ADORA1: variants seen among roughly 807,000 people sequenced by gnomAD.
ADORA1 encodes adenosine receptor A1.
In ADORA1, 6 loss-of-function variants were observed where a neutral mutation model predicts 19.9. That is an observed-to-expected ratio of 0.30 (90% CI 0.17 to 0.59). The LOEUF (loss-of-function observed/expected upper bound fraction) is 0.59, where lower values mean the gene tolerates loss of function less well. Ranked by LOEUF, ADORA1 falls within the 20% of genes least tolerant of loss-of-function variation. ADORA1 has a pLI of 0.87. For missense variants in ADORA1, 302 were observed against 439.2 expected, an observed-to-expected ratio of 0.69 and a Z score of 2.79; for synonymous variants, 194 against 188.4, an observed-to-expected ratio of 1.03 and a Z score of -0.24.
chr1:203,159,995 G>A (rs1257929408), intron 3 of ADORA1, among the ~76,000 whole-genome samples: 1 of 152,222 alleles, frequency 6.6e-6, no homozygotes, highest in African/African-American at 2.4e-5. Context: ...GAGCAGGAGA[G>A]GCTTGCCTTC....
intron 3 of ADORA1, among the ~76,000 whole-genome samples, chr1:203,158,644 A>G (rs1045413139): frequency 6.6e-6 from 1 of 152,098 alleles, no homozygotes; most frequent in Non-Finnish European, 1.5e-5. Context: ...TAGAGCAACA[A>G]CCCCACTTCT....
At chr1:203,142,176 A>G (rs10800901) in intron 3 of ADORA1, among the ~76,000 whole-genome samples, 101,548 of 152,134 alleles carry the variant, frequency 0.67, 34,159 homozygotes, top group Middle Eastern at 0.69. Flanking sequence ...TAGGCACTCC[A>G]TAAGTGGGGC....
chr1:203,149,270 C>G (rs1654957471), intron 3 of ADORA1, among the ~76,000 whole-genome samples: 1 of 152,188 alleles, frequency 6.6e-6, no homozygotes, highest in South Asian at 2.1e-4. Context: ...AAGCTTCTTC[C>G]TCCCCCACAC....
At chr1:203,149,507 G>A (rs1654965679) in intron 3 of ADORA1, among the ~76,000 whole-genome samples, 1 of 152,248 alleles carries the variant, frequency 6.6e-6, no homozygotes, top group Non-Finnish European at 1.5e-5. Context: ...AGGACAGGCT[G>A]TTCCCCACCT....
chr1:203,164,972 C>T, intron 3 of ADORA1: 1 of 1,465,584 alleles, frequency 6.8e-7, no homozygotes, highest in Non-Finnish European at 9.3e-7. Flanking sequence ...TTACTGTGGT[C>T]ATTTCCTTGA....
At chr1:203,150,856 T>A (rs1458024635) in intron 3 of ADORA1, 35 of 1,256,182 alleles carry the variant, frequency 2.8e-5, no homozygotes, top group Non-Finnish European at 3.5e-5. Context: ...GGGGGCTAGG[T>A]GCTGTGAGCT....
chr1:203,162,080 G>A (rs1558138673), intron 3 of ADORA1, among the ~76,000 whole-genome samples: 1 of 152,188 alleles, frequency 6.6e-6, no homozygotes, highest in Non-Finnish European at 1.5e-5. Flanking sequence ...AGAGTCAGAG[G>A]CACCTTCCAC....
At position 203,130,041 on chromosome 1, in the gene ADORA1, G is replaced by A. The variant is rs115067096; in HGVS notation, c.341+859G>A. Among the ~76,000 whole-genome samples, 990 of 152,360 alleles carry A rather than the reference G, an allele frequency of 6.5e-3. 11 individuals carry two copies. The highest frequency in any genetic ancestry group is 0.022 in the African/African-American group (932 of 41,596). ...GTGCCAGCGAGTGCCTGGGCATATT[G>A]CCAGGGACTGGCCCTGCTGGGACGC... On this transcript the variant is annotated intron_variant, in intron 3 of 3. Transcript: ENST00000337894.
intron 3 of ADORA1, among the ~76,000 whole-genome samples, chr1:203,153,831 G>C (rs924906970): frequency 6.6e-6 from 1 of 152,216 alleles, no homozygotes; most frequent in Admixed American, 6.5e-5. Context: ...TCCACAGGAA[G>C]TAGTTTAATA....
chr1:203,135,987 G>C (rs1243091332), intron 3 of ADORA1, among the ~76,000 whole-genome samples: 1 of 152,192 alleles, frequency 6.6e-6, no homozygotes, highest in Non-Finnish European at 1.5e-5. Context: ...TTTCCTGAAG[G>C]CCTCGGCATC....
At chr1:203,153,354 A>G (rs1558135033) in intron 3 of ADORA1, among the ~76,000 whole-genome samples, 1 of 152,224 alleles carries the variant, frequency 6.6e-6, no homozygotes, top group Non-Finnish European at 1.5e-5. Flanking sequence ...TCCGAAGGAC[A>G]GACAGTTGGG....
rs201449710 is a variant in ADORA1 at position 203,165,993 on chromosome 1, C to T, written c.*93C>T. 2.8e-6 allele frequency: 4 copies of T among 1,450,370 alleles called. No homozygotes were observed. In the East Asian group the frequency reaches 7.1e-5, roughly 26 times the overall value. 89.8% of individuals were successfully genotyped at this position (1,450,370 alleles called of 1,614,324 possible). A position where few individuals can be genotyped will look rare whatever the true frequency, so the allele number is the denominator to read the frequency against. ...TCCCAGGGGTCTCCCTGAGCCTGCCCCAGCTGGGCTGTTGGCTGGGGGCAT... is the reference window on the plus strand; with the variant it reads ...TCCCAGGGGTCTCCCTGAGCCTGCCTCAGCTGGGCTGTTGGCTGGGGGCAT... On this transcript the variant is annotated 3_prime_UTR_variant, in exon 4 of 4. Coordinates refer to ENST00000337894, the MANE Select transcript of ADORA1 (RefSeq NM_000674.3). The surrounding 1 kb of genome is among the most constrained non-coding windows in gnomAD (Gnocchi z 5.9).
chr1:203,140,384 C>T (rs1376716481), intron 3 of ADORA1, among the ~76,000 whole-genome samples: 1 of 152,158 alleles, frequency 6.6e-6, no homozygotes, highest in Non-Finnish European at 1.5e-5. Context: ...TCCAATGTGA[C>T]GATCCGGGCT....
chr1:203,159,589 C>G (rs1023196946), intron 3 of ADORA1, among the ~76,000 whole-genome samples: 1 of 152,170 alleles, frequency 6.6e-6, no homozygotes, highest in Non-Finnish European at 1.5e-5. Context: ...TGCCCACTCA[C>G]TCTCTCCTGG....
At position 203,166,034 on chromosome 1, in the gene ADORA1, G is replaced by A; in HGVS notation, c.*134G>A. 8.3e-7 allele frequency: 1 copy of A among 1,199,118 alleles called. No individual in the cohort carries two copies. The highest frequency in any genetic ancestry group is 1.1e-6 in the Non-Finnish European group (1 of 891,332). The allele number at this position is 1,199,118 out of a possible 1,614,324, so 74.3% of individuals were successfully genotyped here. On this transcript the variant is annotated 3_prime_UTR_variant, in exon 4 of 4. Transcript: ENST00000337894. ...CTGGGGGCATGGGGGAGGCTCTGAAGAGATACCCACAGAGTGTGGTCCCTC... is the reference window on the plus strand; with the variant it reads ...CTGGGGGCATGGGGGAGGCTCTGAAAAGATACCCACAGAGTGTGGTCCCTC...
chr1:203,138,912 G>A (rs1157992433), intron 3 of ADORA1, among the ~76,000 whole-genome samples: 3 of 152,066 alleles, frequency 2.0e-5, no homozygotes, highest in African/African-American at 4.8e-5. Context: ...TCCGCCTCCC[G>A]GGTTCAAGTG....
intron 3 of ADORA1, among the ~76,000 whole-genome samples, chr1:203,142,171 A>C (rs1368052637): frequency 6.6e-6 from 1 of 152,096 alleles, no homozygotes; most frequent in Non-Finnish European, 1.5e-5. Flanking sequence ...CATAGTAGGC[A>C]CTCCATAAGT....
chr1:203,165,526 G>A lies in ADORA1; in HGVS notation c.607G>A (p.Val203Ile). The A allele has an allele frequency of 3.1e-6, 5 of 1,613,768 alleles. No homozygotes were observed. The highest frequency in any genetic ancestry group is 1.3e-5 in the African/African-American group (1 of 75,030). The change falls in exon 4 of 4, where the codon GTC becomes ATC. Residue 203 changes from valine (V) to isoleucine (I), a missense_variant. By Grantham distance (29) the Val-to-Ile change is conservative. Transcript: ENST00000337894. The surrounding 1 kb of genome is among the most constrained non-coding windows in gnomAD (Gnocchi z 5.9). ...LLLMVLIYLE[V>I]FYLIRKQLNK... is the part of the protein sequence containing the mutation. The stretch of plus-strand genomic sequence containing the variant: ...CCTCATGGTCCTCATCTACCTGGAG[G>A]TCTTCTACCTAATCCGCAAGCAGCT...
rs1439471658 is a variant in ADORA1, at chr1:203,152,352, C to T, written c.342-12909C>T. On this transcript the variant is annotated intron_variant, in intron 3 of 3. Transcript: ENST00000337894. Reference sequence around the variant, plus strand: ...CTCCTGCCTGGGCCCTCCCCATGTGCCAGCTGGGCTGGCGGATTCTCTGCT... The same window carrying T: ...CTCCTGCCTGGGCCCTCCCCATGTGTCAGCTGGGCTGGCGGATTCTCTGCT... Among the ~76,000 whole-genome samples, 4 of 152,246 alleles carry T rather than the reference C, an allele frequency of 2.6e-5. No individual in the cohort carries two copies. The East Asian group carries it at 7.7e-4, about 29-fold the overall frequency.
Sources: allele counts gnomAD v4.1 joint callset (sites outside exome capture counted in the v4.1 genomes callset), GRCh38; gene constraint gnomAD v4.1.1; non-coding constraint Gnocchi (gnomAD v3.1); transcripts MANE v1.5; gene names NCBI Gene and HGNC (gene_info 2026-07-23, HGNC 2026-07-21).